AKAP19: variants seen among roughly 807,000 people sequenced by gnomAD.
AKAP19 encodes the protein A-kinase anchoring protein 19.
the AKAP19 span, chr2:190,201,088 A>G: frequency 9.0e-5 from 15 of 167,198 alleles, no homozygotes; most frequent in African/African-American, 3.4e-4. Context: ...GTTGTATTGC[A>G]AAACGGAAAA....
chr2:190,157,715 G>T, the AKAP19 span, among the ~76,000 whole-genome samples: 1 of 152,046 alleles, frequency 6.6e-6, no homozygotes, highest in South Asian at 2.1e-4. Flanking sequence ...ACATAATAAT[G>T]ACAATCTTAT....
the AKAP19 span, chr2:190,200,264 G>A: frequency 6.2e-6 from 5 of 808,452 alleles, no homozygotes; most frequent in South Asian, 1.7e-5. Flanking sequence ...ATGTGTCTAC[G>A]ATAATGTCAC....
the AKAP19 span, chr2:190,180,913 G>T: frequency 1.0e-6 from 1 of 985,324 alleles, no homozygotes; most frequent in Non-Finnish European, 1.2e-6. This position sits in a 1 kb window ranked among gnomAD's most constrained non-coding sequence, Gnocchi z 6.8. Flanking sequence ...CGGCGCCGCT[G>T]CCCTGGCAGC....
chr2:190,045,130 T>C, the AKAP19 span, among the ~76,000 whole-genome samples: 1 of 151,950 alleles, frequency 6.6e-6, no homozygotes, highest in African/African-American at 2.4e-5. Context: ...TACAAATCTC[T>C]ATCAGCCAGA....
chr2:189,975,323 G>A, the AKAP19 span, among the ~76,000 whole-genome samples: 1 of 152,124 alleles, frequency 6.6e-6, no homozygotes, highest in Admixed American at 6.5e-5. Flanking sequence ...CTCTCTTCTG[G>A]CTTGTAGAGT....
At chr2:189,957,938 C>G in the AKAP19 span, among the ~76,000 whole-genome samples, 13 of 152,066 alleles carry the variant, frequency 8.5e-5, no homozygotes, top group Non-Finnish European at 1.9e-4. Context: ...GGACTACAGA[C>G]GTGCACCACC....
the AKAP19 span, among the ~76,000 whole-genome samples, chr2:189,940,988 G>A: frequency 6.6e-6 from 1 of 152,154 alleles, no homozygotes; most frequent in Non-Finnish European, 1.5e-5. Context: ...ATAAATGGAG[G>A]ATCTTAAAAA....
chr2:190,129,705 G>T, the AKAP19 span, among the ~76,000 whole-genome samples: 1 of 152,002 alleles, frequency 6.6e-6, no homozygotes, highest in East Asian at 1.9e-4. Flanking sequence ...AAGTGGAGAG[G>T]TAGAGAGATG....
At chr2:189,921,988 AAGAT>A in the AKAP19 span, among the ~76,000 whole-genome samples, 2 of 152,210 alleles carry the variant, frequency 1.3e-5, no homozygotes, top group Non-Finnish European at 2.9e-5. Flanking sequence ...AGTATAAAGA[AAGAT>A]AGGGGAAGTA....
At chr2:190,011,956 AT>A in the AKAP19 span, among the ~76,000 whole-genome samples, 255 of 148,540 alleles carry the variant, frequency 1.7e-3, no homozygotes, top group Non-Finnish European at 2.9e-3. Flanking sequence ...TGTTTTTCCT[AT>A]TTTTTTTTTT....
chr2:190,071,967 T>C, the AKAP19 span, among the ~76,000 whole-genome samples: 1 of 152,024 alleles, frequency 6.6e-6, no homozygotes, highest in South Asian at 2.1e-4. Context: ...AGAGAAGATA[T>C]ACCTTTCATA....
At chr2:189,981,273 C>CTTT in the AKAP19 span, among the ~76,000 whole-genome samples, 1 of 129,002 alleles carries the variant, frequency 7.8e-6, no homozygotes, top group African/African-American at 2.9e-5. Flanking sequence ...CCTTCTTTGT[C>CTTT]TTTTTTTTTT....
the AKAP19 span, among the ~76,000 whole-genome samples, chr2:190,052,584 A>G: frequency 7.9e-5 from 12 of 152,182 alleles, no homozygotes; most frequent in Admixed American, 1.3e-4. Flanking sequence ...TGTCTGTGGG[A>G]GCGGACCTGA....
chr2:190,133,045 G>A, the AKAP19 span, among the ~76,000 whole-genome samples: 1 of 151,820 alleles, frequency 6.6e-6, no homozygotes, highest in Non-Finnish European at 1.5e-5. Flanking sequence ...GACCATCCTG[G>A]CTAACACAGT....
chr2:190,173,842 T>C, the AKAP19 span, among the ~76,000 whole-genome samples: 1 of 152,226 alleles, frequency 6.6e-6, no homozygotes, highest in Non-Finnish European at 1.5e-5. Context: ...AGAACCAATA[T>C]GTCAGTATGT....
chr2:190,008,788 A>C, the AKAP19 span, among the ~76,000 whole-genome samples: 7 of 151,052 alleles, frequency 4.6e-5, no homozygotes, highest in Non-Finnish European at 1.0e-4. Context: ...GGTCTCCTGA[A>C]ATTTACATTA....
At chr2:190,045,209 G>A in the AKAP19 span, among the ~76,000 whole-genome samples, 1 of 152,212 alleles carries the variant, frequency 6.6e-6, no homozygotes, top group Admixed American at 6.5e-5. Flanking sequence ...ATGGGATCTG[G>A]ACCCGCTTAA....
the AKAP19 span, among the ~76,000 whole-genome samples, chr2:190,042,305 A>G: frequency 1.3e-5 from 2 of 152,076 alleles, no homozygotes; most frequent in Admixed American, 1.3e-4. Flanking sequence ...TTGTGTGCAT[A>G]GAAGTATTTG....
At chr2:189,882,718 A>G in the AKAP19 span, among the ~76,000 whole-genome samples, 1 of 152,182 alleles carries the variant, frequency 6.6e-6, no homozygotes, top group Non-Finnish European at 1.5e-5. Context: ...TTACATTGCC[A>G]GGGTGAAATT....
Sources: gnomAD v4.1 joint callset for allele counts (sites outside exome capture counted in the v4.1 genomes callset) on GRCh38, gnomAD v4.1.1 for gene constraint, Gnocchi (gnomAD v3.1) non-coding constraint, MANE v1.5 for transcripts, NCBI Gene and HGNC (gene_info 2026-07-23, HGNC 2026-07-21) for gene names.